The following CDH23 variants were observed in gnomAD, a reference collection of about 807,000 sequenced individuals.
The protein encoded by CDH23 is cadherin related 23.
In CDH23, 189 loss-of-function variants were observed where a neutral mutation model predicts 317.1. That is an observed-to-expected ratio of 0.60 (90% CI 0.53 to 0.67). The LOEUF (loss-of-function observed/expected upper bound fraction) is 0.67. Among genes scored for constraint, CDH23 ranks in the 30% least tolerant of loss-of-function variants. CDH23 has a pLI of 0.00. For missense variants in CDH23, 4,401 were observed against 4,592.4 expected (o/e 0.96, Z 1.20); for synonymous variants, 1,839 against 1,876.8 (o/e 0.98, Z 0.52).
At chr10:71,788,542 G>A (rs565569027) in intron 44 of CDH23, among the ~76,000 whole-genome samples, 9 of 151,752 alleles carry the variant, frequency 5.9e-5, no homozygotes, top group African/African-American at 1.5e-4. Flanking sequence ...TGCAAGCTCC[G>A]CCTCCTGGGT....
chr10:71,553,350 C>T (rs1256667816), intron 6 of CDH23, among the ~76,000 whole-genome samples: 11 of 152,160 alleles, frequency 7.2e-5, no homozygotes, highest in Non-Finnish European at 1.5e-4. Flanking sequence ...TCTGCAGCCC[C>T]GTTCGAACCT....
At chr10:71,568,370 C>G (rs1857530279) in intron 7 of CDH23, among the ~76,000 whole-genome samples, 1 of 152,200 alleles carries the variant, frequency 6.6e-6, no homozygotes, top group South Asian at 2.1e-4. Flanking sequence ...CACCAGGGCC[C>G]AGAAACACGC....
chr10:71,665,337 C>T (rs992237765), intron 14 of CDH23, among the ~76,000 whole-genome samples: 1 of 152,306 alleles, frequency 6.6e-6, no homozygotes, highest in African/African-American at 2.4e-5. Context: ...CCACTGCCTC[C>T]CACTACCCCT....
At chr10:71,430,869 A>G (rs182498095) in intron 1 of CDH23, among the ~76,000 whole-genome samples, 1 of 152,276 alleles carries the variant, frequency 6.6e-6, no homozygotes, top group Admixed American at 6.5e-5. Context: ...ATGGTCCCCC[A>G]TATAGAAGGA....
intron 3 of CDH23, among the ~76,000 whole-genome samples, chr10:71,449,523 A>G (rs946409198): frequency 3.3e-5 from 5 of 152,270 alleles, no homozygotes; most frequent in Admixed American, 2.0e-4. Flanking sequence ...TGATAATATA[A>G]CACATATGAC....
intron 9 of CDH23, among the ~76,000 whole-genome samples, chr10:71,602,194 C>T (rs1860268335): frequency 6.9e-6 from 1 of 145,272 alleles, no homozygotes; most frequent in African/African-American, 2.5e-5. Flanking sequence ...ATTTGAAAGT[C>T]ATTCACTCTG....
At chr10:71,563,069 G>A (rs1241474962) in intron 6 of CDH23, among the ~76,000 whole-genome samples, 1 of 152,214 alleles carries the variant, frequency 6.6e-6, no homozygotes, top group Non-Finnish European at 1.5e-5. Flanking sequence ...CTTGGAAGGA[G>A]GGTGGGTGGG....
At chr10:71,780,188 T>G (rs946043759) in intron 41 of CDH23, among the ~76,000 whole-genome samples, 2 of 152,208 alleles carry the variant, frequency 1.3e-5, no homozygotes, top group African/African-American at 2.4e-5. Context: ...GCAGGAAATA[T>G]TTCTTGAGTA....
intron 9 of CDH23, among the ~76,000 whole-genome samples, chr10:71,596,224 A>G (rs953124787): frequency 6.6e-6 from 1 of 152,050 alleles, no homozygotes; most frequent in Non-Finnish European, 1.5e-5. Flanking sequence ...CCACACAAGG[A>G]TGTCATGCAA....
chr10:71,810,024 T>C lies in CDH23; in HGVS notation c.8927T>C (p.Ile2976Thr). 1.2e-6 allele frequency: 2 copies of C among 1,612,672 alleles called. No homozygotes were observed. Among genetic ancestry groups the C allele is most frequent in the East Asian group, 2.2e-5 (1 of 44,876 alleles). ...DRVRGFEEEF[I>T]HLLSNITGAI... ...GTGCGCGGCTTCGAGGAGGAGTTCA[T>C]CCACCTGCTCTCCAACATCACTGGG... The change falls in exon 61 of 70, where the codon ATC becomes ACC. Residue 2976 changes from isoleucine to threonine, a missense_variant. Around this residue, in one of 3 missense-constraint regions of CDH23, gnomAD observed 1,144 missense variants for 1,138.2 expected, o/e 1.01. Transcript: ENST00000224721.
At chr10:71,578,695 G>A (rs561936518) in intron 9 of CDH23, among the ~76,000 whole-genome samples, 7 of 144,354 alleles carry the variant, frequency 4.8e-5, no homozygotes, top group African/African-American at 1.3e-4. Context: ...CAGGCTGCTC[G>A]CCCACAGACT....
At chr10:71,768,098 T>C (rs936205163) in intron 38 of CDH23, among the ~76,000 whole-genome samples, 46 of 152,222 alleles carry the variant, frequency 3.0e-4, no homozygotes, top group African/African-American at 1.1e-3. Flanking sequence ...AGCTCAAGTC[T>C]TTTTGCCCCC....
chr10:71,741,966 C>A (rs2132848377), intron 38 of CDH23, 45 bp downstream of exon 38: 1 of 1,462,024 alleles, frequency 6.8e-7, no homozygotes. Context: ...TGGGCCAGGG[C>A]AGCTCCGCCT....
chr10:71,501,828 C>G (rs908511441), intron 3 of CDH23, among the ~76,000 whole-genome samples: 1 of 152,154 alleles, frequency 6.6e-6, no homozygotes, highest in Non-Finnish European at 1.5e-5. Flanking sequence ...GGCAGGGACC[C>G]GGCCAGCCAG....
At chr10:71,719,529 G>A (rs1866450156) in intron 28 of CDH23, 4 of 152,564 alleles carry the variant, frequency 2.6e-5, no homozygotes, top group Admixed American at 6.5e-5. Flanking sequence ...GACTGCCTAG[G>A]TCTGAGCATA....
chr10:71,550,804 C>T (rs7070028), intron 6 of CDH23, among the ~76,000 whole-genome samples: 5,610 of 152,080 alleles, frequency 0.037, 342 homozygotes, highest in African/African-American at 0.13. Context: ...GCTGCTGACA[C>T]GGGGCTTGCT....
intron 17 of CDH23, among the ~76,000 whole-genome samples, chr10:71,680,127 G>A (rs1357433425): frequency 6.6e-6 from 1 of 152,236 alleles, no homozygotes; most frequent in Non-Finnish European, 1.5e-5. Flanking sequence ...TGCCCCACCA[G>A]AGTCCAGCCT....
intron 52 of CDH23, 81 bp from the exon 53 acceptor site, chr10:71,800,555 T>A: frequency 1.4e-6 from 2 of 1,479,478 alleles, no homozygotes; most frequent in Non-Finnish European, 9.2e-7. Context: ...CCAGAGCCCA[T>A]AACAGCATCT....
intron 1 of CDH23, among the ~76,000 whole-genome samples, chr10:71,427,508 G>A (rs1042100361): frequency 2.6e-5 from 4 of 152,046 alleles, no homozygotes; most frequent in African/African-American, 4.8e-5. Context: ...ATAACATTTC[G>A]TTGTGATATA....
Sources: gnomAD v4.1 joint callset for allele counts (sites outside exome capture counted in the v4.1 genomes callset) on GRCh38, gnomAD v4.1.1 for gene constraint, gnomAD v4.1.1 regional missense constraint, MANE v1.5 for transcripts, NCBI Gene and HGNC (gene_info 2026-07-23, HGNC 2026-07-21) for gene names.